EDEM1: variants seen among roughly 807,000 people sequenced by gnomAD.
EDEM1 encodes ER degradation-enhancing alpha-mannosidase-like protein 1.
A neutral mutation model predicts 74.4 loss-of-function variants in EDEM1; 67 were observed. The observed-to-expected ratio is 0.90, with a 90% CI of 0.74 to 1.10. The LOEUF (loss-of-function observed/expected upper bound fraction) is 1.10, where lower values mean the gene tolerates loss of function less well. Ranked by LOEUF, EDEM1 falls within the 50% of genes least tolerant of loss-of-function variation. The pLI is 0.00. For synonymous variants in EDEM1, 382 were observed against 335.9 expected, an observed-to-expected ratio of 1.14 and a Z score of -1.50; for missense variants, 926 against 851.6, an observed-to-expected ratio of 1.09 and a Z score of -1.09.
In EDEM1 at chr3:5,187,999, G is replaced by C. The variant is rs988575535; in HGVS notation, c.194G>C (p.Gly65Ala). The C allele has an allele frequency of 9.3e-6, 14 of 1,511,648 alleles. No individual in the cohort carries two copies. Among genetic ancestry groups the C allele is most frequent in the Non-Finnish European group, 1.1e-5 (13 of 1,132,492 alleles). 93.6% of individuals were successfully genotyped at this position (1,511,648 alleles called of 1,614,324 possible). ...PTSGPVGRPG[G>A]VSGPSWLQPP... is the part of the protein sequence containing the mutation. ...TCGGGGCCCGTGGGCCGGCCTGGGG[G>C]GGTATCCGGGCCGTCGTGGCTGCAG... Residue 65 changes from glycine to alanine, a missense_variant, in exon 1 of 12, where the codon GGG becomes GCG. Physicochemically the swap from Gly to Ala is moderately conservative, Grantham distance 60. Transcript: ENST00000256497.
chr3:5,211,101 C>G lies in EDEM1; in HGVS notation c.1584-19C>G, dbSNP rs768512804. The G allele has an allele frequency of 1.7e-5, 27 of 1,612,448 alleles. 2 individuals carry two copies. The South Asian group carries it at 2.5e-4, about 15-fold the overall frequency. On this transcript the variant is annotated intron_variant, in intron 9 of 11. Transcript: ENST00000256497. ...TGGGAAGGAAGAGAGGCAGGACTGACCAGATGATTGTTTTGTAGGTGTGGG... is the reference window on the plus strand; with the variant it reads ...TGGGAAGGAAGAGAGGCAGGACTGAGCAGATGATTGTTTTGTAGGTGTGGG...
Position 5,203,156 on chromosome 3 carries a change from C to T in EDEM1, c.1042+7C>T, listed in dbSNP as rs769736645. 6.4e-7 allele frequency: 1 copy of T among 1,553,516 alleles called. No homozygotes were observed. The highest frequency in any genetic ancestry group is 2.3e-5 in the East Asian group (1 of 43,766). The stretch of plus-strand genomic sequence containing the variant: ...AATGATACAGGATTACTAGGTGTGG[C>T]ACCTTTCCTCGCCATTGGGACTGCA... On this transcript the variant is annotated splice_region_variant and intron_variant, in intron 5 of 11. Coordinates refer to ENST00000256497, the MANE Select transcript of EDEM1 (RefSeq NM_014674.3).
chr3:5,208,370 A>T (rs1051717487), intron 8 of EDEM1, 107 bp downstream of exon 8: 6 of 1,357,420 alleles, frequency 4.4e-6, no homozygotes, highest in Admixed American at 2.5e-5. Context: ...GTTGTTTCAT[A>T]GTGACTCTGA....
At chr3:5,211,651 T>TGA (rs199900655) in intron 10 of EDEM1, among the ~76,000 whole-genome samples, 3 of 98,270 alleles carry the variant, frequency 3.1e-5, no homozygotes, top group South Asian at 4.1e-4. Flanking sequence ...CATGAGTGAG[T>TGA]GAGTGTGTGT....
chr3:5,197,758 T>C (rs1346903205), intron 2 of EDEM1, among the ~76,000 whole-genome samples: 2 of 152,252 alleles, frequency 1.3e-5, no homozygotes, highest in African/African-American at 4.8e-5. Context: ...CCCCTGACCA[T>C]TGGATGCAAC....
intron 5 of EDEM1, among the ~76,000 whole-genome samples, chr3:5,203,873 C>T (rs981576940): frequency 2.6e-5 from 4 of 152,060 alleles, no homozygotes; most frequent in Admixed American, 6.6e-5. Flanking sequence ...CTGAGACGAC[C>T]GGCTTGTGCC....
In EDEM1 at chr3:5,215,299, G is replaced by A. The variant is rs147962332; in HGVS notation, c.1885-530G>A. 4.8e-3 allele frequency among the ~76,000 whole-genome samples: 720 copies of A among 150,710 alleles called. 11 individuals are homozygous for A. Among genetic ancestry groups the A allele is most frequent in the African/African-American group, 0.017 (691 of 40,668 alleles). ...TTGAGGAAAAAAAGTGGTGGGGGTG[G>A]GGGGGTTTTAATTAAAGAAATAGTC... On this transcript the variant is annotated intron_variant, in intron 11 of 11. Coordinates refer to ENST00000256497, the MANE Select transcript of EDEM1 (RefSeq NM_014674.3).
intron 2 of EDEM1, among the ~76,000 whole-genome samples, chr3:5,197,009 A>G (rs866441606): frequency 1.4e-5 from 2 of 143,206 alleles, no homozygotes; most frequent in Admixed American, 6.9e-5. Flanking sequence ...GCTCACTTCA[A>G]CCTTCAGCTC....
intron 4 of EDEM1, among the ~76,000 whole-genome samples, chr3:5,202,313 T>C (rs1236587321): frequency 6.6e-6 from 1 of 152,236 alleles, no homozygotes; most frequent in Non-Finnish European, 1.5e-5. Flanking sequence ...TTGCGGGAGC[T>C]CAGTGAGTGT....
rs1039805255 is a variant in EDEM1 at position 5,215,931 on chromosome 3, G to A, written c.*13G>A. On this transcript the variant is annotated 3_prime_UTR_variant, in exon 12 of 12. Coordinates refer to ENST00000256497, the MANE Select transcript of EDEM1 (RefSeq NM_014674.3). ...TGGTTTGATTTGATCTGCTCTCTGT[G>A]AGGCCTCATCTTGAACCAGACCTTA... The A allele has an allele frequency of 1.9e-6, 3 of 1,608,988 alleles. No homozygotes were observed. The highest frequency in any genetic ancestry group is 2.5e-6 in the Non-Finnish European group (3 of 1,177,492).
At chr3:5,212,112 A>G (rs1367598791) in intron 10 of EDEM1, among the ~76,000 whole-genome samples, 1 of 152,196 alleles carries the variant, frequency 6.6e-6, no homozygotes, top group African/African-American at 2.4e-5. Context: ...TGCTAAGATG[A>G]CAGCCATATT....
At chr3:5,195,491 A>G (rs1304847013) in intron 2 of EDEM1, among the ~76,000 whole-genome samples, 1 of 152,252 alleles carries the variant, frequency 6.6e-6, no homozygotes, top group Non-Finnish European at 1.5e-5. Flanking sequence ...CCATTAAAAA[A>G]AGGAGAAGGA....
chr3:5,192,627 A>G (rs2054914636), intron 1 of EDEM1, among the ~76,000 whole-genome samples: 1 of 152,202 alleles, frequency 6.6e-6, no homozygotes, highest in African/African-American at 2.4e-5. Flanking sequence ...TAGGCTGGAG[A>G]TTGACAAGAA....
chr3:5,201,879 C>A lies in EDEM1; in HGVS notation c.813C>A (p.Leu271=). 1 of 1,614,120 alleles carries A rather than the reference C, an allele frequency of 6.2e-7. No individual in the cohort carries two copies. The highest frequency in any genetic ancestry group is 2.2e-5 in the East Asian group (1 of 44,888). ...LYMAHDLAVR[L]LPAFENTKTG... ...TGGCCCATGACCTGGCGGTGCGGCT[C>A]CTCCCTGCTTTTGAAAACACCAAGA... The change falls in exon 4 of 12, where the codon CTC becomes CTA. Residue 271 remains leucine (L), a synonymous_variant. Transcript: ENST00000256497.
chr3:5,197,156 G>C (rs2054980281), intron 2 of EDEM1, among the ~76,000 whole-genome samples: 1 of 149,634 alleles, frequency 6.7e-6, no homozygotes, highest in South Asian at 2.1e-4. Context: ...CACACTTAAT[G>C]GTGTCTGGTG....
intron 2 of EDEM1, among the ~76,000 whole-genome samples, chr3:5,199,051 G>A (rs912573079): frequency 6.6e-6 from 1 of 152,184 alleles, no homozygotes; most frequent in Non-Finnish European, 1.5e-5. Context: ...ATCAGTCACT[G>A]GTTTTATCCT....
chr3:5,207,985 G>T (rs2055118947), intron 7 of EDEM1, 108 bp from the exon 8 acceptor site: 2 of 1,342,826 alleles, frequency 1.5e-6, no homozygotes, highest in South Asian at 3.2e-5. Context: ...GTATGTGTAG[G>T]TCAACTAAGA....
chr3:5,211,725 T>C (rs1052526165), intron 10 of EDEM1, among the ~76,000 whole-genome samples: 2 of 151,988 alleles, frequency 1.3e-5, no homozygotes, highest in African/African-American at 4.8e-5. Context: ...ACGAACCCTT[T>C]GGTATTACCT....
chr3:5,199,539 A>G, intron 2 of EDEM1, 53 bp from the exon 3 acceptor site: 2 of 1,377,234 alleles, frequency 1.5e-6, no homozygotes, highest in Admixed American at 1.8e-5. Flanking sequence ...GTGATGATAC[A>G]GCCTCAGTTT....
Sources: allele counts gnomAD v4.1 joint callset (sites outside exome capture counted in the v4.1 genomes callset), GRCh38; gene constraint gnomAD v4.1.1; transcripts MANE v1.5; gene names NCBI Gene and HGNC (gene_info 2026-07-23, HGNC 2026-07-21).